Variants in RAB37 observed in about 807,000 individuals in gnomAD.
RAB37 encodes the protein ras-related protein Rab-37.
RAB37 carries 29 observed loss-of-function variants against 33.1 expected under a neutral mutation model. The ratio of observed to expected loss-of-function variants is 0.88; its 90% confidence interval spans 0.65 to 1.20. The LOEUF (loss-of-function observed/expected upper bound fraction) is 1.20, where lower values mean the gene tolerates loss of function less well. Among genes scored for constraint, RAB37 ranks in the 50% most tolerant of loss-of-function variants. The pLI, the probability that RAB37 is intolerant of heterozygous loss-of-function variation, is 0.00. For synonymous variants in RAB37, 128 were observed against 119.5 expected, an observed-to-expected ratio of 1.07 and a Z score of -0.47; for missense variants, 299 against 301.1, an observed-to-expected ratio of 0.99 and a Z score of 0.05.
upstream of RAB37, chr17:74,737,214 G>GGGGGGGGGGGGGGGGGGGGGGGGGC: frequency 1.6e-6 from 2 of 1,245,258 alleles, no homozygotes; most frequent in Non-Finnish European, 2.3e-6. Context: ...CGGGGGTGGG[G>GGGGGGGGGGGGGGGGGGGGGGGGGC]CCGTTCCTGC....
intron 2 of RAB37, among the ~76,000 whole-genome samples, chr17:74,741,491 C>T (rs960191535): frequency 6.6e-6 from 1 of 150,670 alleles, no homozygotes; most frequent in Non-Finnish European, 1.5e-5. Flanking sequence ...GAGGCTGAGG[C>T]AGGAGAATCG....
intron 1 of RAB37, chr17:74,703,001 C>T (rs771595652): frequency 6.4e-7 from 1 of 1,571,570 alleles, no homozygotes; most frequent in East Asian, 2.2e-5. Context: ...GAGTTTGGGC[C>T]AAGTAGGCCA....
In RAB37 at chr17:74,737,297, G is replaced by C. The variant is rs755824984; in HGVS notation, c.25G>C (p.Ala9Pro). The C allele has an allele frequency of 3.8e-6, 6 of 1,574,926 alleles. No individual in the cohort carries two copies. The South Asian group carries it at 6.9e-5, about 18-fold the overall frequency. MTGTPGAV[A>P]TRDGEAPERS... ...CATGACGGGCACGCCAGGCGCCGTT[G>C]CCACCCGGGATGGCGAGGCCCCCGA... is the stretch of plus-strand genomic sequence containing the variant. The change falls in exon 1 of 9, where the codon GCC (alanine) becomes CCC (proline). Residue 9 changes from alanine (A) to proline (P), a missense_variant. Transcript: ENST00000392613.
intron 1 of RAB37, among the ~76,000 whole-genome samples, chr17:74,707,165 A>C (rs765471081): frequency 6.6e-5 from 10 of 152,238 alleles, no homozygotes; most frequent in Non-Finnish European, 1.5e-4. Flanking sequence ...GCTTCTGCAC[A>C]GCAAAGGAAA....
chr17:74,687,134 C>A (rs2032070084), intron 1 of RAB37, among the ~76,000 whole-genome samples: 1 of 152,180 alleles, frequency 6.6e-6, no homozygotes, highest in Admixed American at 6.5e-5. Flanking sequence ...AGCCCCTCCT[C>A]AGAGGTACCT....
At chr17:74,706,261 A>T (rs989318030) in intron 1 of RAB37, among the ~76,000 whole-genome samples, 5 of 149,014 alleles carry the variant, frequency 3.4e-5, no homozygotes, top group African/African-American at 1.3e-4. Flanking sequence ...AAAAATAAAA[A>T]ACATTTTAAA....
At position 74,695,064 on chromosome 17, in the gene RAB37, C is replaced by T. The variant is rs367967081; in HGVS notation, c.72+23406C>T. The T allele has an allele frequency of 7.4e-5, 119 of 1,601,188 alleles. 1 individual carries two copies. In the East Asian group the frequency reaches 1.7e-3, roughly 23 times the overall value. ...CGATGAGGCAGGAGTGTGCTCACAG[C>T]CTGGGGTCCAAGAAGGAGCCTGGAG... On this transcript the variant is annotated intron_variant, in intron 1 of 7. Transcript: ENST00000340415.
intron 1 of RAB37, among the ~76,000 whole-genome samples, chr17:74,708,821 A>T (rs1227864846): frequency 6.6e-6 from 1 of 150,898 alleles, no homozygotes; most frequent in Non-Finnish European, 1.5e-5. Context: ...AGGCTGAGGC[A>T]GGAGAATGAC....
At chr17:74,699,249 G>C (rs1026741801) in intron 1 of RAB37, among the ~76,000 whole-genome samples, 14 of 152,118 alleles carry the variant, frequency 9.2e-5, no homozygotes, top group Non-Finnish European at 1.5e-5. Flanking sequence ...AGGAGAAAAG[G>C]GTTCCATGAG....
intron 1 of RAB37, chr17:74,698,453 G>A (rs750842364): frequency 6.2e-7 from 1 of 1,614,004 alleles, no homozygotes; most frequent in Non-Finnish European, 8.5e-7. Flanking sequence ...ATGAGGGGCA[G>A]GAGGACACTG....
chr17:74,691,237 T>C (rs968655717), intron 1 of RAB37, among the ~76,000 whole-genome samples: 4 of 152,120 alleles, frequency 2.6e-5, no homozygotes, highest in Admixed American at 2.0e-4. Flanking sequence ...CTGGGCTCAA[T>C]CAATCACCTG....
chr17:74,705,792 G>C (rs1022191211), intron 1 of RAB37, among the ~76,000 whole-genome samples: 1 of 151,994 alleles, frequency 6.6e-6, no homozygotes, highest in Admixed American at 6.6e-5. Flanking sequence ...ACAGGATTTT[G>C]CCATGTTGTC....
At chr17:74,732,801 GTGGC>G (rs1598315343), upstream of RAB37, among the ~76,000 whole-genome samples, 2 of 150,456 alleles carry the variant, frequency 1.3e-5, no homozygotes, top group African/African-American at 2.4e-5. Context: ...TGAGGTGTGT[GTGGC>G]GTGATTTGAG....
At chr17:74,712,445 C>G (rs906113693) in intron 1 of RAB37, among the ~76,000 whole-genome samples, 2 of 152,222 alleles carry the variant, frequency 1.3e-5, no homozygotes, top group African/African-American at 4.8e-5. Flanking sequence ...CACCTCTTCC[C>G]TGACGCCTGC....
chr17:74,675,305 T>TGG (rs1567772139), intron 1 of RAB37, among the ~76,000 whole-genome samples: 2 of 151,700 alleles, frequency 1.3e-5, no homozygotes, highest in East Asian at 2.0e-4. Flanking sequence ...GGTGGTGGCA[T>TGG]GCACCTGCAG....
chr17:74,703,651 G>A (rs1301179688), intron 1 of RAB37, among the ~76,000 whole-genome samples: 2 of 152,158 alleles, frequency 1.3e-5, no homozygotes, highest in East Asian at 3.9e-4. Context: ...GTATTGTGAG[G>A]ACCCATTGAG....
At chr17:74,740,618 G>C (rs1330068052) in intron 1 of RAB37, 150 bp from the exon 2 acceptor site, 2 of 678,144 alleles carry the variant, frequency 2.9e-6, no homozygotes, top group Non-Finnish European at 5.3e-6. Context: ...GGGTGAAGAT[G>C]GCGGCTGGCT....
intron 1 of RAB37, among the ~76,000 whole-genome samples, chr17:74,700,467 G>T (rs780005505): frequency 6.6e-6 from 1 of 152,060 alleles, no homozygotes; most frequent in African/African-American, 2.4e-5. Context: ...TCGACTGAGC[G>T]CGGTGGCTTA....
chr17:74,682,695 G>A (rs1348079663), intron 1 of RAB37, among the ~76,000 whole-genome samples: 2 of 152,104 alleles, frequency 1.3e-5, no homozygotes, highest in African/African-American at 2.4e-5. Flanking sequence ...ACCCGAGGTC[G>A]GGAGTTCAAG....
Sources: allele counts gnomAD v4.1 joint callset (sites outside exome capture counted in the v4.1 genomes callset), GRCh38; gene constraint gnomAD v4.1.1; transcripts MANE v1.5; gene names NCBI Gene and HGNC (gene_info 2026-07-23, HGNC 2026-07-21).